Variants in IQGAP2 observed in about 807,000 individuals in gnomAD.
The protein encoded by IQGAP2 is IQ motif containing GTPase activating protein 2, also known as ras GTPase-activating-like protein IQGAP2.
A neutral mutation model predicts 201.3 loss-of-function variants in IQGAP2; 173 were observed. That is an observed-to-expected ratio of 0.86 (90% confidence interval 0.76 to 0.98). The LOEUF (loss-of-function observed/expected upper bound fraction) is 0.98. Among genes scored for constraint, IQGAP2 ranks in the 50% least tolerant of loss-of-function variants. The pLI, the probability that IQGAP2 is intolerant of heterozygous loss-of-function variation, is 0.00. For synonymous variants in IQGAP2, 675 were observed against 673.9 expected, an observed-to-expected ratio of 1.00 and a Z score of -0.03; for missense variants, 1,687 against 1,864.8, an observed-to-expected ratio of 0.90 and a Z score of 1.76.
chr5:76,548,990 C>CA (rs1372150100), intron 2 of IQGAP2, among the ~76,000 whole-genome samples: 1 of 152,128 alleles, frequency 6.6e-6, no homozygotes, highest in Non-Finnish European at 1.5e-5. Flanking sequence ...AAAATGCTGG[C>CA]ATACTTCCTG....
intron 22 of IQGAP2, 104 bp from the exon 23 acceptor site, chr5:76,668,577 G>C (rs1743999036): frequency 1.2e-6 from 1 of 861,544 alleles, no homozygotes; most frequent in Non-Finnish European, 1.8e-6. Context: ...GTGACATTAA[G>C]TCATTGAAGA....
intron 13 of IQGAP2, among the ~76,000 whole-genome samples, chr5:76,614,841 T>C (rs1748782422): frequency 6.6e-6 from 1 of 152,180 alleles, no homozygotes; most frequent in Admixed American, 6.5e-5. Flanking sequence ...CCTTGGAAAA[T>C]AATATTAGAA....
Position 76,413,156 on chromosome 5 carries a change from C to CTTTTTTTTTTTT in IQGAP2, c.46+9584_46+9595dup, listed in dbSNP as rs567410789. Among the ~76,000 whole-genome samples the CTTTTTTTTTTTT allele has an allele frequency of 1.8e-3, 151 of 83,692 alleles. 1 individual carries two copies. Among genetic ancestry groups the CTTTTTTTTTTTT allele is most frequent in the Non-Finnish European group, 2.6e-3 (120 of 46,216 alleles). The allele number at this position is 83,692 out of a possible 152,430, so 54.9% of individuals were successfully genotyped here. On this transcript the variant is annotated intron_variant, in intron 1 of 35. Transcript: ENST00000274364. Reference sequence around the variant, plus strand: ...TATTTTCTTTTTTCTTTTCTTTTCTCTTTTTTTTTTTTTTTTTTTTTTTTT... The same window carrying CTTTTTTTTTTTT: ...TATTTTCTTTTTTCTTTTCTTTTCTCTTTTTTTTTTTTTTTTTTTTTTTTTTTTTTTTTTTTT...
chr5:76,646,082 A>G (rs1024459257), intron 17 of IQGAP2, among the ~76,000 whole-genome samples: 1 of 152,210 alleles, frequency 6.6e-6, no homozygotes, highest in Non-Finnish European at 1.5e-5. Flanking sequence ...ACATTCAAAC[A>G]ATTGCACTTC....
chr5:76,658,727 A>C, intron 21 of IQGAP2, 60 bp downstream of exon 21: 1 of 1,364,322 alleles, frequency 7.3e-7, no homozygotes, highest in African/African-American at 1.5e-5. Context: ...ACATACAGTC[A>C]AGAGTCACTT....
chr5:76,522,727 G>A (rs1436200248), intron 2 of IQGAP2, among the ~76,000 whole-genome samples: 2 of 152,142 alleles, frequency 1.3e-5, no homozygotes, highest in Admixed American at 6.5e-5. Flanking sequence ...ATAGAGCAGA[G>A]ATAGTATGGT....
At chr5:76,665,216 A>C in intron 22 of IQGAP2, 41 bp downstream of exon 22, 1 of 1,558,214 alleles carries the variant, frequency 6.4e-7, no homozygotes, top group Non-Finnish European at 8.8e-7. Flanking sequence ...TGGGAGTAAT[A>C]CTATGTTACA....
intron 14 of IQGAP2, 134 bp downstream of exon 14, chr5:76,627,634 G>T (rs2455222): frequency 1.7e-6 from 1 of 593,426 alleles, no homozygotes; most frequent in South Asian, 2.6e-5. Flanking sequence ...TAATTATACC[G>T]AAATTAGTTG....
intron 21 of IQGAP2, among the ~76,000 whole-genome samples, chr5:76,660,931 T>C (rs1743196843): frequency 6.6e-6 from 1 of 152,124 alleles, no homozygotes; most frequent in Non-Finnish European, 1.5e-5. Flanking sequence ...AAAATGATGG[T>C]TTTTAGACTA....
intron 35 of IQGAP2, among the ~76,000 whole-genome samples, chr5:76,704,707 G>A (rs1418174946): frequency 1.3e-5 from 2 of 152,210 alleles, no homozygotes; most frequent in Admixed American, 1.3e-4. Context: ...ACCCTGTGCG[G>A]CTGCACAGAT....
At chr5:76,680,244 G>A (rs1342437153) in intron 28 of IQGAP2, among the ~76,000 whole-genome samples, 2 of 152,202 alleles carry the variant, frequency 1.3e-5, no homozygotes, top group Non-Finnish European at 2.9e-5. Flanking sequence ...TGGGAAAATA[G>A]TGTCTCCAAA....
At chr5:76,443,948 A>G (rs1346138953) in intron 1 of IQGAP2, among the ~76,000 whole-genome samples, 1 of 152,224 alleles carries the variant, frequency 6.6e-6, no homozygotes, top group African/African-American at 2.4e-5. Flanking sequence ...TATAGAATTC[A>G]CAAGTCTAAA....
chr5:76,475,310 C>A (rs1169950036), intron 2 of IQGAP2, among the ~76,000 whole-genome samples: 1 of 152,108 alleles, frequency 6.6e-6, no homozygotes, highest in African/African-American at 2.4e-5. Flanking sequence ...CTTTGCAGAG[C>A]CAATAAGCAT....
intron 1 of IQGAP2, among the ~76,000 whole-genome samples, chr5:76,408,583 C>A (rs1453204527): frequency 2.0e-5 from 3 of 152,084 alleles, no homozygotes; most frequent in Non-Finnish European, 4.4e-5. Flanking sequence ...TGTCATGATT[C>A]TCTCAAGATG....
Position 76,677,218 on chromosome 5 carries a change from G to A in IQGAP2, c.3528G>A (p.Arg1176=), listed in dbSNP as rs202217286. The change falls in exon 28 of 36, where the codon AGG becomes AGA. Residue 1176 remains arginine (R), a splice_region_variant and synonymous_variant. Coordinates refer to ENST00000274364, the MANE Select transcript of IQGAP2 (RefSeq NM_006633.5). The part of the protein sequence containing the change: ...NYLSETYQEF[R]KYFKEACNVP... ...TTAAGACTTTTCCCCCCTTTATTAGGAAATATTTCAAAGAAGCATGTAATG... is the reference window on the plus strand; with the variant it reads ...TTAAGACTTTTCCCCCCTTTATTAGAAAATATTTCAAAGAAGCATGTAATG... 72 of 1,612,254 alleles carry A rather than the reference G, an allele frequency of 4.5e-5. No homozygotes were observed. In the Middle Eastern group the frequency reaches 4.9e-4, roughly 11 times the overall value.
intron 16 of IQGAP2, among the ~76,000 whole-genome samples, chr5:76,639,377 C>T (rs1751390409): frequency 6.6e-6 from 1 of 152,092 alleles, no homozygotes; most frequent in East Asian, 1.9e-4. Context: ...ATCATGTGCC[C>T]ATTGCTCTGG....
chr5:76,500,735 TA>T (rs1344024601), intron 2 of IQGAP2, among the ~76,000 whole-genome samples: 1 of 152,220 alleles, frequency 6.6e-6, no homozygotes, highest in Non-Finnish European at 1.5e-5. Context: ...GTATCATAAG[TA>T]TTTTTCAATA....
chr5:76,495,253 G>C (rs548814347), intron 2 of IQGAP2, among the ~76,000 whole-genome samples: 1 of 152,232 alleles, frequency 6.6e-6, no homozygotes, highest in Non-Finnish European at 1.5e-5. Flanking sequence ...CACCAGCCTA[G>C]AGCACAAACG....
chr5:76,640,626 A>G (rs1356263182), intron 16 of IQGAP2, among the ~76,000 whole-genome samples: 4 of 152,148 alleles, frequency 2.6e-5, no homozygotes, highest in Admixed American at 2.6e-4. Context: ...GTCCCTTTAC[A>G]TTCTGTGGAG....
Sources: gnomAD v4.1 joint callset for allele counts (sites outside exome capture counted in the v4.1 genomes callset) on GRCh38, gnomAD v4.1.1 for gene constraint, MANE v1.5 for transcripts, NCBI Gene and HGNC (gene_info 2026-07-23, HGNC 2026-07-21) for gene names.